Variants in FGD4 observed in about 807,000 individuals in gnomAD.
FGD4 encodes the protein FYVE, RhoGEF and PH domain containing 4.
FGD4 carries 42 observed loss-of-function variants against 102.0 expected under a neutral mutation model. The ratio of observed to expected loss-of-function variants is 0.41; its 90% CI spans 0.32 to 0.53. The LOEUF is 0.53. FGD4 is among the 20% of genes least tolerant of loss of function. FGD4 has a pLI of 0.21. For missense variants in FGD4, 902 were observed against 1,078.2 expected (o/e 0.84, Z 2.29); for synonymous variants, 380 against 375.7 (o/e 1.01, Z -0.13).
chr12:32,414,924 G>A (rs2733704), intron 1 of FGD4, among the ~76,000 whole-genome samples: 82,530 of 151,934 alleles, frequency 0.54, 23,400 homozygotes, highest in African/African-American at 0.71. Flanking sequence ...CCTCATAGGT[G>A]TAAATTTCCT....
intron 1 of FGD4, 119 bp from the exon 2 acceptor site, chr12:32,564,018 A>AGAGGGAGGGGGAGGGG: frequency 1.7e-6 from 1 of 605,488 alleles, no homozygotes; most frequent in Non-Finnish European, 2.4e-6. Flanking sequence ...TGGAAAGGGG[A>AGAGGGAGGGGGAGGGG]GAGGGAGAGG....
At chr12:32,485,924 A>G (rs951922949) in intron 1 of FGD4, 17 of 1,272,392 alleles carry the variant, frequency 1.3e-5, no homozygotes, top group Non-Finnish European at 1.6e-5. Flanking sequence ...TTGAGCCTGC[A>G]TCACTGCCAG....
At chr12:32,537,260 A>G (rs577457652) in intron 1 of FGD4, among the ~76,000 whole-genome samples, 12 of 152,292 alleles carry the variant, frequency 7.9e-5, no homozygotes, top group African/African-American at 2.4e-4. Flanking sequence ...GTCTTCCTTG[A>G]GTCATTTTTC....
chr12:32,520,400 T>C (rs7967306), intron 1 of FGD4, among the ~76,000 whole-genome samples: 36,453 of 150,370 alleles, frequency 0.24, 5,248 homozygotes, highest in Middle Eastern at 0.44. Context: ...ACCTCTACCT[T>C]GCCCTATTTT....
intron 1 of FGD4, among the ~76,000 whole-genome samples, chr12:32,451,076 T>A (rs1942761600): frequency 6.6e-6 from 1 of 152,252 alleles, no homozygotes; most frequent in African/African-American, 2.4e-5. Context: ...ACTTCGCTTA[T>A]AATTTGGGTG....
chr12:32,576,193 C>G (rs1946114388), intron 2 of FGD4, 73 bp from the exon 3 acceptor site: 3 of 1,467,314 alleles, frequency 2.0e-6, no homozygotes, highest in Non-Finnish European at 2.8e-6. Context: ...ATTTTTGCAC[C>G]CAGGACACCA....
chr12:32,578,847 C>T (rs1047643880), intron 3 of FGD4, among the ~76,000 whole-genome samples: 1 of 151,284 alleles, frequency 6.6e-6, no homozygotes, highest in South Asian at 2.1e-4. Context: ...AAAAAAACAT[C>T]GTAGCACTAG....
intron 1 of FGD4, among the ~76,000 whole-genome samples, chr12:32,479,750 C>T (rs886257432): frequency 2.7e-5 from 4 of 149,464 alleles, no homozygotes; most frequent in Non-Finnish European, 5.9e-5. Context: ...ACCTTCTCTG[C>T]AGAAATATAA....
At chr12:32,524,812 A>C (rs1940968531) in intron 1 of FGD4, among the ~76,000 whole-genome samples, 1 of 145,974 alleles carries the variant, frequency 6.9e-6, no homozygotes, top group African/African-American at 2.5e-5. Flanking sequence ...TGACAGAGTG[A>C]GACACTGTTT....
chr12:32,556,909 G>C (rs1944165437), intron 1 of FGD4: 1 of 152,308 alleles, frequency 6.6e-6, no homozygotes, highest in Non-Finnish European at 1.5e-5. Context: ...CTGGTGTGCA[G>C]TGGCACAGTC....
intron 15 of FGD4, among the ~76,000 whole-genome samples, chr12:32,635,729 G>C (rs1950768228): frequency 6.6e-6 from 1 of 151,878 alleles, no homozygotes; most frequent in African/African-American, 2.4e-5. Context: ...TAATAATATG[G>C]ATCAGCTGGG....
intron 1 of FGD4, among the ~76,000 whole-genome samples, chr12:32,545,436 G>A (rs544749372): frequency 6.6e-6 from 1 of 152,290 alleles, no homozygotes; most frequent in South Asian, 2.1e-4. Context: ...GTCAAGTTCT[G>A]TAAACTTTTT....
chr12:32,575,555 G>T (rs972433801), intron 2 of FGD4, among the ~76,000 whole-genome samples: 1 of 152,134 alleles, frequency 6.6e-6, no homozygotes, highest in Non-Finnish European at 1.5e-5. Flanking sequence ...TCCAACATTG[G>T]GGACCAGATT....
At chr12:32,429,337 C>CTGGG (rs1941965721) in intron 1 of FGD4, among the ~76,000 whole-genome samples, 1 of 152,174 alleles carries the variant, frequency 6.6e-6, no homozygotes, top group African/African-American at 2.4e-5. Flanking sequence ...CCCTGTTTGC[C>CTGGG]TGGGTATCAC....
chr12:32,558,126 G>A (rs1944264592), intron 1 of FGD4, among the ~76,000 whole-genome samples: 2 of 152,070 alleles, frequency 1.3e-5, no homozygotes, highest in South Asian at 4.1e-4. Flanking sequence ...CCAATTTGAG[G>A]GACATTCCAC....
At chr12:32,574,889 A>C (rs1167911126) in intron 2 of FGD4, 1 of 152,234 alleles carries the variant, frequency 6.6e-6, no homozygotes, top group Non-Finnish European at 1.5e-5. Context: ...GATTTAAGGA[A>C]GAAAAAAGAT....
chr12:32,505,372 A>C (rs947705942), intron 1 of FGD4, among the ~76,000 whole-genome samples: 1 of 152,202 alleles, frequency 6.6e-6, no homozygotes, highest in East Asian at 1.9e-4. Flanking sequence ...GAACGATGTG[A>C]ACTTACACAA....
chr12:32,490,790 C>G (rs1230636893), intron 1 of FGD4, among the ~76,000 whole-genome samples: 1 of 152,142 alleles, frequency 6.6e-6, no homozygotes, highest in East Asian at 1.9e-4. Flanking sequence ...TGGATGGGAG[C>G]AGTATGTGTG....
intron 1 of FGD4, among the ~76,000 whole-genome samples, chr12:32,417,955 C>CTTTTTTT (rs55826183): frequency 9.5e-6 from 1 of 105,170 alleles, no homozygotes; most frequent in Non-Finnish European, 1.8e-5. Flanking sequence ...TGTCTTAGTT[C>CTTTTTTT]TTTTTTTTTT....
Sources: gnomAD v4.1 joint callset for allele counts (sites outside exome capture counted in the v4.1 genomes callset) on GRCh38, gnomAD v4.1.1 for gene constraint, MANE v1.5 for transcripts, NCBI Gene and HGNC (gene_info 2026-07-23, HGNC 2026-07-21) for gene names.